SEZ6: variants seen among roughly 807,000 people sequenced by gnomAD.
The protein encoded by SEZ6 is seizure related 6 homolog.
SEZ6 carries 53 observed loss-of-function variants against 101.0 expected under a neutral mutation model. The observed-to-expected ratio is 0.52, with a 90% CI of 0.42 to 0.66. The LOEUF is 0.66. SEZ6 is among the 30% of genes least tolerant of loss of function. The pLI is 0.00. For synonymous variants in SEZ6, 488 were observed against 512.2 expected, an observed-to-expected ratio of 0.95 and a Z score of 0.64; for missense variants, 1,102 against 1,289.4, an observed-to-expected ratio of 0.85 and a Z score of 2.23.
rs956952556 is a variant in SEZ6, at chr17:29,005,567, C to T, written c.55+248G>A. The stretch of plus-strand genomic sequence containing the variant: ...GTGATGAATTGCATCAGAGAAATCC[C>T]ATTAGATCTGGGGAGATGATTAAAG... On this transcript the variant is annotated intron_variant, in intron 1 of 16. Transcript: ENST00000317338. The surrounding 1 kb of genome is among the most constrained non-coding windows in gnomAD (Gnocchi z 4.8). 1.3e-5 allele frequency among the ~76,000 whole-genome samples: 2 copies of T among 152,090 alleles called. No individual in the cohort carries two copies. Among genetic ancestry groups the T allele is most frequent in the African/African-American group, 4.8e-5 (2 of 41,446 alleles).
chr17:28,976,165 G>A (rs555497318), intron 3 of SEZ6, among the ~76,000 whole-genome samples: 9 of 152,338 alleles, frequency 5.9e-5, no homozygotes, highest in African/African-American at 2.2e-4. Context: ...CAGCCTCAGA[G>A]GGCATCAATA....
In SEZ6 at chr17:28,959,610, G is replaced by A; in HGVS notation, c.1771+88C>T. On this transcript the variant is annotated intron_variant, in intron 8 of 16. Coordinates refer to ENST00000317338, the MANE Select transcript of SEZ6 (RefSeq NM_178860.5). This position sits in a 1 kb window ranked among gnomAD's most constrained non-coding sequence, Gnocchi z 4.4. ...GGAAGCCTGAACCACGCATATCACA[G>A]GGCCCCTGTGGCCCCGGGCTCTGCT... 1 of 1,532,656 alleles carries A rather than the reference G, an allele frequency of 6.5e-7. No homozygotes were observed. The highest frequency in any genetic ancestry group is 8.8e-7 in the Non-Finnish European group (1 of 1,141,386). The allele number at this position is 1,532,656 out of a possible 1,614,324, so 94.9% of individuals were successfully genotyped here. A position where few individuals can be genotyped will look rare whatever the true frequency, so the allele number is the denominator to read the frequency against.
rs1212376326 is a variant in SEZ6 at position 28,956,771 on chromosome 17, G to A, written c.2693-14C>T. On this transcript the variant is annotated splice_polypyrimidine_tract_variant and intron_variant, in intron 13 of 16. Coordinates refer to ENST00000317338, the MANE Select transcript of SEZ6 (RefSeq NM_178860.5). Reference sequence around the variant, plus strand: ...CATCCAGAGAGGCTGGAACAAAAGGGGAGGGCCAAGGGCAGTGAGTGAGCC... The same window carrying A: ...CATCCAGAGAGGCTGGAACAAAAGGAGAGGGCCAAGGGCAGTGAGTGAGCC... 6.4e-7 allele frequency: 1 copy of A among 1,560,700 alleles called. No homozygotes were observed. The highest frequency in any genetic ancestry group is 2.4e-5 in the East Asian group (1 of 41,680).
chr17:28,959,908 C>T lies in SEZ6; in HGVS notation c.1577-16G>A. The T allele has an allele frequency of 6.3e-7, 1 of 1,593,966 alleles. No individual in the cohort carries two copies. Among genetic ancestry groups the T allele is most frequent in the Non-Finnish European group, 8.5e-7 (1 of 1,170,408 alleles). On this transcript the variant is annotated splice_polypyrimidine_tract_variant and intron_variant, in intron 7 of 16. Transcript: ENST00000317338. The surrounding 1 kb of genome is among the most constrained non-coding windows in gnomAD (Gnocchi z 4.4). ...TGCTGGAAGGCTGTAAACCACAGGTCCCAGCCCAGCTCAGCCTTGACTGGT... is the reference window on the plus strand; with the variant it reads ...TGCTGGAAGGCTGTAAACCACAGGTTCCAGCCCAGCTCAGCCTTGACTGGT...
In SEZ6 at chr17:28,955,402, A is replaced by G; in HGVS notation, c.*560T>C. The G allele has an allele frequency of 3.2e-6, 1 of 314,948 alleles. No individual in the cohort carries two copies. Among genetic ancestry groups the G allele is most frequent in the Non-Finnish European group, 6.3e-6 (1 of 157,484 alleles). The allele number at this position is 314,948 out of a possible 1,614,324, so 19.5% of individuals were successfully genotyped here. On this transcript the variant is annotated 3_prime_UTR_variant, in exon 17 of 17. Coordinates refer to ENST00000317338, the MANE Select transcript of SEZ6 (RefSeq NM_178860.5). ...CTAGAATTACTGCCTCCACTGGGAC[A>G]GGGCAGGAGGCAGAACTGTCCAGAA...
At chr17:28,970,012 C>T in intron 3 of SEZ6, 60 bp from the exon 4 acceptor site, 1 of 1,453,674 alleles carries the variant, frequency 6.9e-7, no homozygotes, top group South Asian at 1.4e-5. Flanking sequence ...CTGCCTGGAT[C>T]CTGCCGCCCT....
intron 3 of SEZ6, among the ~76,000 whole-genome samples, 181 bp from the exon 4 acceptor site, chr17:28,970,133 G>A (rs1270637092): frequency 6.6e-6 from 1 of 152,214 alleles, no homozygotes; most frequent in Non-Finnish European, 1.5e-5. Flanking sequence ...ATCTCAGTGT[G>A]AGACAGGACC....
At chr17:28,963,910 C>T (rs2041022835) in intron 5 of SEZ6, 52 bp downstream of exon 5, 2 of 1,556,904 alleles carry the variant, frequency 1.3e-6, no homozygotes, top group African/African-American at 1.4e-5. Flanking sequence ...CAGGGATGAG[C>T]CCCCACCTCA....
chr17:28,960,107 C>T (rs992186248), intron 7 of SEZ6: 3 of 612,322 alleles, frequency 4.9e-6, no homozygotes, highest in South Asian at 2.0e-5. Flanking sequence ...CCATCCTGTT[C>T]CCACTGCCTG....
chr17:28,993,123 T>C (rs1254528847), intron 1 of SEZ6, among the ~76,000 whole-genome samples: 1 of 152,006 alleles, frequency 6.6e-6, no homozygotes, highest in Non-Finnish European at 1.5e-5. Context: ...CTTCTTGGCA[T>C]CACCCCTCAC....
rs775903541 is a variant in SEZ6, at chr17:28,960,631, C to T, written c.1450G>A (p.Val484Met). ...TATTCCACCTCATAGGAATCATACACTGGTGGGGCCTCCACGTTGTCCCCA... is the reference window on the plus strand; with the variant it reads ...TATTCCACCTCATAGGAATCATACATTGGTGGGGCCTCCACGTTGTCCCCA... Reference protein sequence around the residue: ...RNGDNVEAPPVYDSYEVEYLP... With the variant: ...RNGDNVEAPPMYDSYEVEYLP... Residue 484 changes from valine (V) to methionine (M), a missense_variant, in exon 7 of 17, where the codon GTG (valine) becomes ATG (methionine). By Grantham distance (21) the Val-to-Met change is conservative. Coordinates refer to ENST00000317338, the MANE Select transcript of SEZ6 (RefSeq NM_178860.5). 12 of 1,595,836 alleles carry T rather than the reference C, an allele frequency of 7.5e-6. No homozygotes were observed. Among genetic ancestry groups the T allele is most frequent in the Non-Finnish European group, 1.0e-5 (12 of 1,171,282 alleles).
At chr17:28,962,395 G>A (rs192171615) in intron 5 of SEZ6, among the ~76,000 whole-genome samples, 57 of 152,304 alleles carry the variant, frequency 3.7e-4, no homozygotes, top group African/African-American at 1.3e-3. Context: ...CTGCTTGCCA[G>A]CCTCCCCGCT....
chr17:28,976,842 T>A (rs1050689541), intron 3 of SEZ6, among the ~76,000 whole-genome samples: 3 of 152,192 alleles, frequency 2.0e-5, no homozygotes, highest in Non-Finnish European at 2.9e-5. Context: ...TGGCTTCTCA[T>A]CCTACAGGTC....
At chr17:28,958,212 G>GGGA in intron 10 of SEZ6, 71 bp from the exon 11 acceptor site, 1 of 1,515,274 alleles carries the variant, frequency 6.6e-7, no homozygotes, top group Non-Finnish European at 8.9e-7. Context: ...CACCTTGAGG[G>GGGA]CACTCTGGCT....
chr17:28,966,179 T>C (rs2041064372), intron 4 of SEZ6, among the ~76,000 whole-genome samples: 1 of 145,826 alleles, frequency 6.9e-6, no homozygotes. Context: ...TAAAATAAAA[T>C]AAAATAAAAG....
intron 16 of SEZ6, 39 bp downstream of exon 16, chr17:28,956,117 CTGG>C: frequency 6.3e-7 from 1 of 1,596,540 alleles, no homozygotes; most frequent in Non-Finnish European, 8.6e-7. Flanking sequence ...AAGCAAAGAA[CTGG>C]GTCTTGGATA....
chr17:28,974,296 A>G (rs1202348348), intron 3 of SEZ6, among the ~76,000 whole-genome samples: 1 of 152,152 alleles, frequency 6.6e-6, no homozygotes, highest in Non-Finnish European at 1.5e-5. Context: ...GTACTCGGAC[A>G]CAGGCCCACT....
intron 1 of SEZ6, among the ~76,000 whole-genome samples, chr17:28,996,402 C>A (rs1274882514): frequency 2.6e-5 from 4 of 152,170 alleles, no homozygotes; most frequent in African/African-American, 9.7e-5. Flanking sequence ...CCCGCCCACC[C>A]AGCACTCCAG....
In SEZ6 at chr17:28,981,611, C is replaced by A; in HGVS notation, c.484G>T (p.Ala162Ser). The part of the protein sequence containing the change: ...TAPLPPGPSM[A>S]VPTLGPGEIA... ...TCCCCTGGGCCTAGGGTGGGCACTG[C>A]CATGCTGGGCCCTGGAGGTAGGGGA... is the stretch of plus-strand genomic sequence containing the variant. The change falls in exon 2 of 17, where the codon GCA becomes TCA. Residue 162 changes from alanine (A) to serine (S), a missense_variant. This residue lies in a region of SEZ6 where 406 missense variants were observed against 418.6 expected (regional missense o/e 0.97). Transcript: ENST00000317338. 6.3e-7 allele frequency: 1 copy of A among 1,595,604 alleles called. No homozygotes were observed. Among genetic ancestry groups the A allele is most frequent in the Non-Finnish European group, 8.6e-7 (1 of 1,167,548 alleles).
Sources: gnomAD v4.1 joint callset for allele counts (sites outside exome capture counted in the v4.1 genomes callset) on GRCh38, gnomAD v4.1.1 for gene constraint, gnomAD v4.1.1 regional missense constraint, Gnocchi (gnomAD v3.1) non-coding constraint, MANE v1.5 for transcripts, NCBI Gene and HGNC (gene_info 2026-07-23, HGNC 2026-07-21) for gene names.